Variants in SENP2 observed in about 807,000 individuals in gnomAD.
SENP2 encodes the protein SUMO specific peptidase 2, also known as sentrin-specific protease 2.
SENP2 carries 16 observed loss-of-function variants against 86.3 expected under a neutral mutation model. That is an observed-to-expected ratio of 0.19 (90% confidence interval 0.13 to 0.28). SENP2 has a LOEUF of 0.28. Among genes scored for constraint, SENP2 ranks in the 10% least tolerant of loss-of-function variants. The probability of loss-of-function intolerance (pLI) is 1.00; values close to 1 mark genes in which losing one functional copy is unlikely to be tolerated. For synonymous variants in SENP2, 222 were observed against 238.7 expected (o/e 0.93, Z 0.64); for missense variants, 552 against 703.0 (o/e 0.79, Z 2.43).
At chr3:185,603,991 C>CA (rs1318676716) in intron 5 of SENP2, among the ~76,000 whole-genome samples, 4 of 152,082 alleles carry the variant, frequency 2.6e-5, no homozygotes, top group Non-Finnish European at 4.4e-5. Context: ...CATGGTGGCA[C>CA]ACACCTGTAA....
chr3:185,625,405 C>T (rs1277300222), intron 15 of SENP2, among the ~76,000 whole-genome samples: 1 of 152,140 alleles, frequency 6.6e-6, no homozygotes, highest in Admixed American at 6.6e-5. Context: ...GCCACCGTAC[C>T]CGGCCACTAG....
rs767252721 is a variant in SENP2 at position 185,586,328 on chromosome 3, T to G, written c.-86T>G. 2.6e-5 allele frequency: 42 copies of G among 1,591,730 alleles called. No homozygotes were observed. Among genetic ancestry groups the G allele is most frequent in the Non-Finnish European group, 3.2e-5 (37 of 1,169,872 alleles). The stretch of plus-strand genomic sequence containing the variant: ...GCGACCGAACTCTGGCGGTGGTGGT[T>G]AAGACGGCGAAGGCGGCAGCGGCGG... On this transcript the variant is annotated 5_prime_UTR_variant, in exon 1 of 17. Coordinates refer to ENST00000296257, the MANE Select transcript of SENP2 (RefSeq NM_021627.3). The surrounding 1 kb of genome is among the most constrained non-coding windows in gnomAD (Gnocchi z 4.3).
Position 185,613,358 on chromosome 3 carries a change from A to G in SENP2, c.883A>G (p.Lys295Glu). 6.3e-7 allele frequency: 1 copy of G among 1,591,628 alleles called. No individual in the cohort carries two copies. Among genetic ancestry groups the G allele is most frequent in the Non-Finnish European group, 8.6e-7 (1 of 1,161,440 alleles). Residue 295 changes from lysine (K) to glutamate (E), a missense_variant, in exon 10 of 17, where the codon AAA becomes GAA. Physicochemically the swap from Lys to Glu is moderately conservative, Grantham distance 56. Transcript: ENST00000296257. ...LRSEKRCSKG[K>E]ITDTETMVGI... is the part of the protein sequence containing the mutation. ...TTTTTTCCTTAGGTGTTCAAAGGGG[A>G]AAATTACTGATACAGAGACGATGGT... is the stretch of plus-strand genomic sequence containing the variant.
At chr3:185,596,014 G>A (rs1304436693) in intron 2 of SENP2, among the ~76,000 whole-genome samples, 1 of 152,052 alleles carries the variant, frequency 6.6e-6, no homozygotes, top group East Asian at 1.9e-4. Context: ...TGCCCAGACT[G>A]GAGTACAGTG....
At chr3:185,617,977 T>A (rs1403577368) in intron 12 of SENP2, among the ~76,000 whole-genome samples, 9 of 152,152 alleles carry the variant, frequency 5.9e-5, no homozygotes, top group Non-Finnish European at 1.3e-4. Context: ...AGAGTTTTGC[T>A]CTTGTTGTCC....
chr3:185,612,244 A>T (rs1399845456), intron 8 of SENP2: 2 of 180,334 alleles, frequency 1.1e-5, no homozygotes, highest in Non-Finnish European at 2.3e-5. Flanking sequence ...GATTCATAAC[A>T]TGGCTCTGGA....
intron 15 of SENP2, among the ~76,000 whole-genome samples, 180 bp downstream of exon 15, chr3:185,624,262 C>A (rs1252206773): frequency 6.6e-6 from 1 of 151,786 alleles, no homozygotes; most frequent in Non-Finnish European, 1.5e-5. Flanking sequence ...AGGCTAGTCT[C>A]GGGCCTCCCA....
intron 5 of SENP2, among the ~76,000 whole-genome samples, chr3:185,602,061 T>C (rs956369192): frequency 2.0e-5 from 3 of 152,236 alleles, no homozygotes; most frequent in African/African-American, 7.2e-5. Flanking sequence ...CTTGTTCTTA[T>C]AAGGATGCAA....
chr3:185,605,856 A>G (rs1722494128), intron 5 of SENP2, among the ~76,000 whole-genome samples: 1 of 152,176 alleles, frequency 6.6e-6, no homozygotes, highest in Non-Finnish European at 1.5e-5. Context: ...CATTCAGCAG[A>G]TATTTATTGA....
intron 16 of SENP2, among the ~76,000 whole-genome samples, chr3:185,628,210 C>G (rs1161399142): frequency 1.3e-5 from 2 of 152,062 alleles, no homozygotes; most frequent in Non-Finnish European, 2.9e-5. Flanking sequence ...GTGATCTTGG[C>G]TCACTGCAAC....
At chr3:185,621,377 C>CT (rs1169849063) in intron 13 of SENP2, among the ~76,000 whole-genome samples, 6 of 106,446 alleles carry the variant, frequency 5.6e-5, no homozygotes, top group Non-Finnish European at 1.0e-4. Flanking sequence ...TATCGTTTTT[C>CT]TTTTTTTTCT....
chr3:185,599,879 G>A (rs933828185), intron 4 of SENP2, among the ~76,000 whole-genome samples: 16 of 149,284 alleles, frequency 1.1e-4, no homozygotes, highest in Non-Finnish European at 1.5e-4. Context: ...GGGCGATCTC[G>A]GCTCCAGCTC....
chr3:185,596,816 A>G (rs1001144045), intron 2 of SENP2, among the ~76,000 whole-genome samples: 4 of 151,902 alleles, frequency 2.6e-5, no homozygotes, highest in African/African-American at 9.7e-5. Context: ...TTGTTTAATC[A>G]TGCCCTCACC....
rs186387015 is a variant in SENP2, at chr3:185,599,232, T to G, written c.358+208T>G. ...TTGTTTGTATTATCAGTGTCCTCAA[T>G]GTGACTTAGATCAAGGTCATATTAA... On this transcript the variant is annotated intron_variant, in intron 4 of 16. Transcript: ENST00000296257. Among the ~76,000 whole-genome samples, 4 of 152,192 alleles carry G rather than the reference T, an allele frequency of 2.6e-5. No individual in the cohort carries two copies. In the East Asian group the frequency reaches 7.7e-4, roughly 29 times the overall value.
chr3:185,608,174 T>A (rs1411883939), intron 6 of SENP2, among the ~76,000 whole-genome samples: 1 of 152,238 alleles, frequency 6.6e-6, no homozygotes, highest in Admixed American at 6.5e-5. Flanking sequence ...TACGAGCTTA[T>A]ACATAAATAG....
chr3:185,588,770 C>G (rs1721883550), intron 1 of SENP2, among the ~76,000 whole-genome samples: 1 of 152,152 alleles, frequency 6.6e-6, no homozygotes, highest in African/African-American at 2.4e-5. Context: ...TAGTATTTGT[C>G]TGTCCTACTC....
At chr3:185,608,536 T>C (rs1722589071) in intron 6 of SENP2, among the ~76,000 whole-genome samples, 1 of 152,114 alleles carries the variant, frequency 6.6e-6, no homozygotes, top group African/African-American at 2.4e-5. Flanking sequence ...CAAGAAAACC[T>C]CTCCTGGAAG....
chr3:185,600,959 C>T, intron 5 of SENP2, 104 bp downstream of exon 5: 4 of 724,284 alleles, frequency 5.5e-6, no homozygotes, highest in Middle Eastern at 2.6e-4. Flanking sequence ...CTGCTAAGCG[C>T]TCTGAGGTTA....
chr3:185,625,709 TTCTC>T (rs1196402099), intron 15 of SENP2, among the ~76,000 whole-genome samples: 2 of 152,216 alleles, frequency 1.3e-5, no homozygotes, highest in African/African-American at 4.8e-5. Flanking sequence ...TATCCAGAAC[TTCTC>T]TCTGTCCACC....
Sources: allele counts gnomAD v4.1 joint callset (sites outside exome capture counted in the v4.1 genomes callset), GRCh38; gene constraint gnomAD v4.1.1; non-coding constraint Gnocchi (gnomAD v3.1); transcripts MANE v1.5; gene names NCBI Gene and HGNC (gene_info 2026-07-23, HGNC 2026-07-21).